Variants in SLMAP observed in about 807,000 individuals in gnomAD.
SLMAP encodes sarcolemma associated protein, also known as sarcolemmal membrane-associated protein.
SLMAP carries 44 observed loss-of-function variants against 128.8 expected under a neutral mutation model. The ratio of observed to expected loss-of-function variants is 0.34; its 90% CI spans 0.27 to 0.44. SLMAP has a LOEUF of 0.44. SLMAP is among the 20% of genes least tolerant of loss of function. The pLI, the probability that SLMAP is intolerant of heterozygous loss-of-function variation, is 1.00. For synonymous variants in SLMAP, 327 were observed against 348.8 expected, an observed-to-expected ratio of 0.94 and a Z score of 0.70; for missense variants, 787 against 985.3, an observed-to-expected ratio of 0.80 and a Z score of 2.69.
At chr3:57,771,717 T>C (rs1180912686) in intron 2 of SLMAP, among the ~76,000 whole-genome samples, 2 of 152,202 alleles carry the variant, frequency 1.3e-5, no homozygotes, top group African/African-American at 2.4e-5. Context: ...TGCTTTTTCA[T>C]TGTTGAAAAA....
chr3:57,789,896 G>A (rs1227387611), intron 2 of SLMAP, among the ~76,000 whole-genome samples: 1 of 152,142 alleles, frequency 6.6e-6, no homozygotes, highest in Non-Finnish European at 1.5e-5. Context: ...GAGTGCAATG[G>A]CATGATCTCG....
chr3:57,906,089 A>G (rs1576120141), intron 17 of SLMAP, among the ~76,000 whole-genome samples: 1 of 150,766 alleles, frequency 6.6e-6, no homozygotes, highest in South Asian at 2.1e-4. Flanking sequence ...ATCCTATATA[A>G]TGACAAATCC....
At chr3:57,914,214 G>A (rs1188482552) in intron 21 of SLMAP, among the ~76,000 whole-genome samples, 1 of 151,902 alleles carries the variant, frequency 6.6e-6, no homozygotes, top group East Asian at 1.9e-4. Context: ...ATTCCGGCCG[G>A]GTGTGGACAT....
intron 19 of SLMAP, among the ~76,000 whole-genome samples, chr3:57,909,516 A>G (rs1294512506): frequency 1.3e-5 from 2 of 151,702 alleles, no homozygotes; most frequent in African/African-American, 4.8e-5. Flanking sequence ...AAAAAAAAAA[A>G]AATGAAATGG....
At chr3:57,785,916 A>G (rs2034306499) in intron 2 of SLMAP, among the ~76,000 whole-genome samples, 1 of 152,170 alleles carries the variant, frequency 6.6e-6, no homozygotes, top group South Asian at 2.1e-4. Context: ...AAGTACCTTT[A>G]TAGTTATTTC....
chr3:57,850,656 T>C (rs1479688952), intron 6 of SLMAP, among the ~76,000 whole-genome samples: 3 of 152,148 alleles, frequency 2.0e-5, no homozygotes, highest in African/African-American at 7.2e-5. Context: ...ATTTTTGAGA[T>C]GGAGTCTCAC....
intron 23 of SLMAP, among the ~76,000 whole-genome samples, chr3:57,924,729 A>T (rs147337872): frequency 6.6e-5 from 10 of 152,234 alleles, no homozygotes; most frequent in African/African-American, 1.9e-4. Context: ...TTTAGGAAGC[A>T]CGCATTATCA....
At chr3:57,784,795 G>A (rs1490581447) in intron 2 of SLMAP, among the ~76,000 whole-genome samples, 2 of 152,276 alleles carry the variant, frequency 1.3e-5, no homozygotes, top group East Asian at 3.9e-4. Flanking sequence ...GCATTGGGAG[G>A]TGGGGCCTAA....
chr3:57,842,346 C>CT (rs995867088), intron 4 of SLMAP, among the ~76,000 whole-genome samples: 22 of 150,260 alleles, frequency 1.5e-4, no homozygotes, highest in Admixed American at 1.0e-3. Context: ...TCTTTTTTTC[C>CT]TTTTTTTTTG....
At chr3:57,921,502 C>T (rs943154552) in intron 22 of SLMAP, among the ~76,000 whole-genome samples, 4 of 151,656 alleles carry the variant, frequency 2.6e-5, no homozygotes, top group African/African-American at 2.4e-5. Context: ...AGCAGGTGCC[C>T]GTAATCGCAG....
Position 57,864,789 on chromosome 3 carries a change from T to C in SLMAP, c.1136-18T>C. 1 of 1,572,944 alleles carries C rather than the reference T, an allele frequency of 6.4e-7. No individual in the cohort carries two copies. The highest frequency in any genetic ancestry group is 8.6e-7 in the Non-Finnish European group (1 of 1,164,738). ...TATCTGTGAAATATCTTTTTTTTTT[T>C]TGGACTTTTATTTACAGTACGGTTA... On this transcript the variant is annotated intron_variant, in intron 11 of 24. Coordinates refer to ENST00000671191, the MANE Select transcript of SLMAP (RefSeq NM_001377540.1).
At position 57,808,603 on chromosome 3, in the gene SLMAP, G is replaced by A. The variant is rs563272880; in HGVS notation, c.199-22780G>A. Reference sequence around the variant, plus strand: ...TAATCTTGAGTTCTAATTTGATTGCGCTGTGGCCTGAGAGACTATTTATTA... The same window carrying A: ...TAATCTTGAGTTCTAATTTGATTGCACTGTGGCCTGAGAGACTATTTATTA... On this transcript the variant is annotated intron_variant, in intron 2 of 24. Transcript: ENST00000671191. Among the ~76,000 whole-genome samples, 355 of 152,268 alleles carry A rather than the reference G, an allele frequency of 2.3e-3. 2 individuals are homozygous for A. Among genetic ancestry groups the A allele is most frequent in the African/African-American group, 8.3e-3 (345 of 41,546 alleles).
intron 22 of SLMAP, among the ~76,000 whole-genome samples, chr3:57,920,075 A>G (rs551065860): frequency 6.6e-6 from 1 of 152,188 alleles, no homozygotes; most frequent in Admixed American, 6.6e-5. Context: ...TCAACAAAGT[A>G]CTCTTTACTT....
chr3:57,885,427 T>G (rs868244764), intron 14 of SLMAP, among the ~76,000 whole-genome samples: 1 of 149,416 alleles, frequency 6.7e-6, no homozygotes. Flanking sequence ...TTTTGTGTTT[T>G]TTTTTTTTTT....
chr3:57,853,999 A>ATATT (rs2094634696), intron 6 of SLMAP, among the ~76,000 whole-genome samples: 2 of 103,232 alleles, frequency 1.9e-5, no homozygotes, highest in Admixed American at 1.1e-4. Context: ...ATATATATAT[A>ATATT]TTTACATATA....
At chr3:57,857,710 T>A in intron 6 of SLMAP, 23 bp from the exon 7 acceptor site, 1 of 1,481,828 alleles carries the variant, frequency 6.7e-7, no homozygotes, top group Non-Finnish European at 9.4e-7. Context: ...TATTAGAATC[T>A]GTTTTGTGAT....
At chr3:57,763,109 T>C (rs1021671743) in intron 2 of SLMAP, among the ~76,000 whole-genome samples, 2 of 152,134 alleles carry the variant, frequency 1.3e-5, no homozygotes, top group Non-Finnish European at 2.9e-5. Flanking sequence ...GAAAGGATAG[T>C]GAGTGAACTC....
At chr3:57,801,900 C>T (rs925378434) in intron 2 of SLMAP, among the ~76,000 whole-genome samples, 3 of 151,990 alleles carry the variant, frequency 2.0e-5, no homozygotes, top group Non-Finnish European at 4.4e-5. Flanking sequence ...CTTGGAAGCA[C>T]TGAATATTTA....
At chr3:57,844,385 C>T (rs1287788480) in intron 4 of SLMAP, among the ~76,000 whole-genome samples, 2 of 151,422 alleles carry the variant, frequency 1.3e-5, no homozygotes, top group Admixed American at 1.3e-4. Context: ...CAGAGTGAGA[C>T]TCTGTCTCCA....
Sources: gnomAD v4.1 joint callset for allele counts (sites outside exome capture counted in the v4.1 genomes callset) on GRCh38, gnomAD v4.1.1 for gene constraint, MANE v1.5 for transcripts, NCBI Gene and HGNC (gene_info 2026-07-23, HGNC 2026-07-21) for gene names.